GPC6: variants seen among roughly 807,000 people sequenced by gnomAD.
GPC6 encodes the protein glypican-6.
A neutral mutation model predicts 55.2 loss-of-function variants in GPC6; 14 were observed. The observed-to-expected ratio is 0.25, with a 90% CI of 0.17 to 0.40. The LOEUF is 0.40. Among genes scored for constraint, GPC6 ranks in the 10% least tolerant of loss-of-function variants. The probability of loss-of-function intolerance (pLI) is 1.00; values close to 1 mark genes in which losing one functional copy is unlikely to be tolerated. For missense variants in GPC6, 641 were observed against 708.5 expected (o/e 0.90, Z 1.08); for synonymous variants, 278 against 259.6 (o/e 1.07, Z -0.68).
At chr13:93,299,849 C>T (rs887948304) in intron 1 of GPC6, among the ~76,000 whole-genome samples, 1 of 152,112 alleles carries the variant, frequency 6.6e-6, no homozygotes, top group East Asian at 1.9e-4. Context: ...CTAAATTAAT[C>T]GTATGAGTAG....
At chr13:94,271,689 C>T (rs1892032747) in intron 4 of GPC6, among the ~76,000 whole-genome samples, 1 of 152,148 alleles carries the variant, frequency 6.6e-6, no homozygotes, top group Non-Finnish European at 1.5e-5. Context: ...ATTGAAAATA[C>T]TACATGACAA....
At chr13:93,688,716 G>C (rs1882145183) in intron 2 of GPC6, among the ~76,000 whole-genome samples, 1 of 151,998 alleles carries the variant, frequency 6.6e-6, no homozygotes, top group African/African-American at 2.4e-5. Flanking sequence ...TACCTAGAGT[G>C]GGCAAATTCG....
At chr13:94,300,204 CT>C (rs1875573481) in intron 5 of GPC6, among the ~76,000 whole-genome samples, 1 of 152,098 alleles carries the variant, frequency 6.6e-6, no homozygotes, top group Non-Finnish European at 1.5e-5. Context: ...GCAGCCACTG[CT>C]TTTCAGGTTA....
rs66499161 is a variant in GPC6, at chr13:94,133,267, CAA to C, written c.877+105397_877+105398del. Among the ~76,000 whole-genome samples the C allele has an allele frequency of 2.9e-3, 248 of 85,094 alleles. 1 individual carries two copies. In the Middle Eastern group the frequency reaches 0.035, roughly 12 times the overall value. 55.8% of individuals were successfully genotyped at this position (85,094 alleles called of 152,430 possible). A position where few individuals can be genotyped will look rare whatever the true frequency, so the allele number is the denominator to read the frequency against. On this transcript the variant is annotated intron_variant, in intron 4 of 8. Transcript: ENST00000377047. ...CCACCATACAGGTACTGACCAGTGA[CAA>C]AAAAAAAAAAAAAAAAAAAAAAACC...
At chr13:93,321,895 T>C (rs1444512493) in intron 1 of GPC6, among the ~76,000 whole-genome samples, 4 of 152,232 alleles carry the variant, frequency 2.6e-5, no homozygotes, top group Middle Eastern at 3.4e-3. Context: ...CTGGTGGGGT[T>C]ACATCTAGAA....
At chr13:93,601,006 T>C (rs1374837737) in intron 2 of GPC6, among the ~76,000 whole-genome samples, 2 of 147,506 alleles carry the variant, frequency 1.4e-5, no homozygotes, top group East Asian at 4.1e-4. Flanking sequence ...TACATCCACC[T>C]ATCTGACCTG....
intron 3 of GPC6, among the ~76,000 whole-genome samples, chr13:93,833,120 A>T (rs1887589644): frequency 1.3e-4 from 14 of 111,466 alleles, no homozygotes; most frequent in African/African-American, 6.6e-4. Flanking sequence ...AGAGAGAGAG[A>T]GAGAGAGAGA....
At chr13:93,597,007 C>CAAAAAAAA (rs10709473) in intron 2 of GPC6, among the ~76,000 whole-genome samples, 50 of 68,062 alleles carry the variant, frequency 7.3e-4, no homozygotes, top group African/African-American at 1.8e-3. Flanking sequence ...TCAAATCTGG[C>CAAAAAAAA]AAAAAAAAAA....
intron 2 of GPC6, among the ~76,000 whole-genome samples, chr13:93,568,639 C>T (rs1253809257): frequency 6.6e-6 from 1 of 152,152 alleles, no homozygotes; most frequent in Non-Finnish European, 1.5e-5. Context: ...GAGAGCTGAG[C>T]TGTACTGCCA....
At chr13:93,435,663 A>G (rs752974802) in intron 1 of GPC6, among the ~76,000 whole-genome samples, 6 of 152,196 alleles carry the variant, frequency 3.9e-5, no homozygotes, top group Non-Finnish European at 7.3e-5. Context: ...AAAGTTGCCA[A>G]TAAAATCTGG....
intron 3 of GPC6, among the ~76,000 whole-genome samples, chr13:93,926,724 A>G (rs1877876150): frequency 6.6e-6 from 1 of 152,192 alleles, no homozygotes; most frequent in Non-Finnish European, 1.5e-5. Flanking sequence ...ACTCATTGAA[A>G]TGATAAGATT....
chr13:94,406,331 A>G lies in GPC6; in HGVS notation c.*3114A>G, dbSNP rs1881364869. On this transcript the variant is annotated 3_prime_UTR_variant, in exon 9 of 9. Coordinates refer to ENST00000377047, the MANE Select transcript of GPC6 (RefSeq NM_005708.5). ...GCAGAGAAGAATGAATTACAAATTTACCAATAAGAGCTCTGTTTATGGTTC... is the reference window on the plus strand; with the variant it reads ...GCAGAGAAGAATGAATTACAAATTTGCCAATAAGAGCTCTGTTTATGGTTC... 6.6e-6 allele frequency: 1 copy of G among 152,152 alleles called. No individual in the cohort carries two copies. The highest frequency in any genetic ancestry group is 2.1e-4 in the South Asian group (1 of 4,834). The allele number at this position is 152,152 out of a possible 1,614,324, so 9.4% of individuals were successfully genotyped here. A position where few individuals can be genotyped will look rare whatever the true frequency, so the allele number is the denominator to read the frequency against.
At chr13:94,114,394 A>G (rs910816114) in intron 4 of GPC6, among the ~76,000 whole-genome samples, 2 of 152,102 alleles carry the variant, frequency 1.3e-5, no homozygotes, top group Admixed American at 6.6e-5. Flanking sequence ...CTGGTAGGAG[A>G]AAGGCTCATT....
chr13:93,565,217 G>C (rs546751093), intron 2 of GPC6, among the ~76,000 whole-genome samples: 12 of 152,208 alleles, frequency 7.9e-5, no homozygotes, highest in South Asian at 6.2e-4. Context: ...CTGTTGAAAG[G>C]GGGGAGAAGC....
At chr13:94,133,008 T>TA (rs1481894886) in intron 4 of GPC6, among the ~76,000 whole-genome samples, 1 of 152,166 alleles carries the variant, frequency 6.6e-6, no homozygotes, top group East Asian at 1.9e-4. Context: ...ATGGCCATTG[T>TA]AAAATCTACT....
At chr13:93,793,689 A>G (rs1886116254) in intron 2 of GPC6, among the ~76,000 whole-genome samples, 1 of 152,212 alleles carries the variant, frequency 6.6e-6, no homozygotes, top group African/African-American at 2.4e-5. Context: ...TATGATGGTG[A>G]TGAAGATGAC....
intron 4 of GPC6, among the ~76,000 whole-genome samples, chr13:94,269,902 C>T (rs140298137): frequency 5.8e-4 from 88 of 152,258 alleles, no homozygotes; most frequent in African/African-American, 1.9e-3. Context: ...GATGGGAATT[C>T]GTGAGCTCAG....
At chr13:94,024,454 G>A (rs1012870668) in intron 3 of GPC6, among the ~76,000 whole-genome samples, 1 of 152,098 alleles carries the variant, frequency 6.6e-6, no homozygotes, top group African/African-American at 2.4e-5. Flanking sequence ...TCTTCAGTTT[G>A]AAGTGATGAT....
chr13:93,784,824 A>G (rs566485794), intron 2 of GPC6, among the ~76,000 whole-genome samples: 2 of 152,320 alleles, frequency 1.3e-5, no homozygotes, highest in South Asian at 4.1e-4. Flanking sequence ...CAACACATGT[A>G]CAAATAACCA....
Sources: gnomAD v4.1 joint callset for allele counts (sites outside exome capture counted in the v4.1 genomes callset) on GRCh38, gnomAD v4.1.1 for gene constraint, MANE v1.5 for transcripts, NCBI Gene and HGNC (gene_info 2026-07-23, HGNC 2026-07-21) for gene names.